Variants in DLGAP4 observed in about 807,000 individuals in gnomAD.
DLGAP4 encodes the protein DLG associated protein 4.
Under a neutral mutation model 86.9 loss-of-function variants are expected in DLGAP4, and 18 were observed. The ratio of observed to expected loss-of-function variants is 0.21; its 90% CI spans 0.14 to 0.31. The LOEUF (loss-of-function observed/expected upper bound fraction) is 0.31. Among genes scored for constraint, DLGAP4 ranks in the 10% least tolerant of loss-of-function variants. The pLI is 1.00. For synonymous variants in DLGAP4, 548 were observed against 574.3 expected (o/e 0.95, Z 0.65); for missense variants, 1,085 against 1,362.6 (o/e 0.80, Z 3.21).
intron 9 of DLGAP4, 69 bp downstream of exon 9, chr20:36,499,745 C>T: frequency 1.4e-6 from 2 of 1,397,830 alleles, no homozygotes; most frequent in Non-Finnish European, 2.0e-6. Flanking sequence ...ACCTCTCCTG[C>T]TCTCCCTAAC....
chr20:36,422,193 G>T (rs1030438908), intron 2 of DLGAP4, among the ~76,000 whole-genome samples: 2 of 152,128 alleles, frequency 1.3e-5, no homozygotes, highest in African/African-American at 4.8e-5. Context: ...TCCCTTCAGA[G>T]GTCTAAGGCA....
chr20:36,387,968 T>C (rs1310405563), intron 2 of DLGAP4, among the ~76,000 whole-genome samples: 1 of 152,216 alleles, frequency 6.6e-6, no homozygotes, highest in Non-Finnish European at 1.5e-5. Flanking sequence ...GGTGGGACTG[T>C]CCTGCTCATT....
intron 2 of DLGAP4, among the ~76,000 whole-genome samples, chr20:36,400,414 T>C (rs1025280282): frequency 6.6e-6 from 1 of 152,252 alleles, no homozygotes; most frequent in Non-Finnish European, 1.5e-5. Context: ...CCCAGCATTG[T>C]GCTTTACAAT....
intron 1 of DLGAP4, among the ~76,000 whole-genome samples, chr20:36,310,359 G>A (rs1337458550): frequency 6.6e-6 from 1 of 152,310 alleles, no homozygotes; most frequent in Non-Finnish European, 1.5e-5. Flanking sequence ...TGGGCCACAG[G>A]GAGGCTGGTG....
intron 7 of DLGAP4, among the ~76,000 whole-genome samples, chr20:36,457,484 G>A (rs2033908259): frequency 6.7e-6 from 1 of 150,050 alleles, no homozygotes; most frequent in East Asian, 2.0e-4. Flanking sequence ...TGGTTCAAGC[G>A]ATTCTCCTGC....
chr20:36,394,585 C>T (rs991710055), intron 2 of DLGAP4, among the ~76,000 whole-genome samples: 7 of 152,150 alleles, frequency 4.6e-5, no homozygotes, highest in Admixed American at 3.9e-4. Context: ...TGCACGTGTG[C>T]GCACGAGCCT....
intron 7 of DLGAP4, among the ~76,000 whole-genome samples, chr20:36,480,575 G>A (rs751986245): frequency 1.3e-5 from 2 of 152,066 alleles, no homozygotes; most frequent in Non-Finnish European, 2.9e-5. Context: ...GTCAGGAGCA[G>A]TGGTACATGT....
intron 7 of DLGAP4, chr20:36,461,751 G>GTCCGGGCCCCC: frequency 1.6e-6 from 1 of 618,850 alleles, no homozygotes; most frequent in Non-Finnish European, 1.9e-6. Flanking sequence ...CCGTCCGTCC[G>GTCCGGGCCCCC]CCCGCCCGCC....
intron 7 of DLGAP4, chr20:36,461,904 G>C: frequency 1.0e-6 from 1 of 984,568 alleles, no homozygotes; most frequent in Non-Finnish European, 1.2e-6. Context: ...TCCCCATCTC[G>C]GGTCCCCTTC....
chr20:36,390,211 G>A (rs1035523749), intron 2 of DLGAP4, among the ~76,000 whole-genome samples: 2 of 152,202 alleles, frequency 1.3e-5, no homozygotes, highest in African/African-American at 2.4e-5. Context: ...GACAATGGAG[G>A]TCCTGAGTTC....
chr20:36,443,811 G>A (rs767843829), intron 6 of DLGAP4, among the ~76,000 whole-genome samples: 12 of 152,088 alleles, frequency 7.9e-5, no homozygotes, highest in Non-Finnish European at 1.3e-4. Context: ...ACCTGTATTC[G>A]TGGGTAGAGG....
At chr20:36,389,518 C>T (rs957105663) in intron 2 of DLGAP4, among the ~76,000 whole-genome samples, 15 of 152,126 alleles carry the variant, frequency 9.9e-5, no homozygotes, top group Non-Finnish European at 1.6e-4. Context: ...ACCTGTTGCA[C>T]GCTAAGCACT....
Position 36,431,850 on chromosome 20 carries a change from C to T in DLGAP4, c.133C>T (p.Arg45Cys), listed in dbSNP as rs368086714. Residue 45 changes from arginine to cysteine, a missense_variant, in exon 3 of 13, where the codon CGC becomes TGC. Physicochemically the swap from Arg to Cys is radical, Grantham distance 180. Coordinates refer to ENST00000339266, the MANE Select transcript of DLGAP4 (RefSeq NM_001365621.2). This position sits in a 1 kb window ranked among gnomAD's most constrained non-coding sequence, Gnocchi z 5.1. ...CACGGAGGCCTTCGCCCGCGAGGCC[C>T]GCTTCCCCGGGCAGAACACCCTGCC... ...SPTEAFAREA[R>C]FPGQNTLPGD... 2.5e-5 allele frequency: 41 copies of T among 1,613,894 alleles called. No individual in the cohort carries two copies. The highest frequency in any genetic ancestry group is 1.3e-4 in the East Asian group (6 of 44,886).
intron 1 of DLGAP4, among the ~76,000 whole-genome samples, chr20:36,324,912 T>C (rs1215007985): frequency 6.6e-6 from 1 of 152,184 alleles, no homozygotes; most frequent in African/African-American, 2.4e-5. Flanking sequence ...CAGCTTTTGG[T>C]GTCACTGATT....
At chr20:36,353,426 A>C (rs972739784) in intron 1 of DLGAP4, among the ~76,000 whole-genome samples, 2 of 152,214 alleles carry the variant, frequency 1.3e-5, no homozygotes. Flanking sequence ...CGTCTTCTCC[A>C]TGGCCAGGCA....
intron 1 of DLGAP4, among the ~76,000 whole-genome samples, chr20:36,346,503 TTGTG>T (rs2029944014): frequency 6.6e-6 from 1 of 152,090 alleles, no homozygotes; most frequent in Non-Finnish European, 1.5e-5. Flanking sequence ...GCAGATGGCA[TTGTG>T]GATGGGGGAA....
chr20:36,365,956 T>C (rs2030672426), intron 1 of DLGAP4, among the ~76,000 whole-genome samples: 1 of 152,092 alleles, frequency 6.6e-6, no homozygotes, highest in South Asian at 2.1e-4. Context: ...TGTGTCTCAG[T>C]TTCTTGACCT....
chr20:36,512,151 T>C (rs933519433), intron 10 of DLGAP4, among the ~76,000 whole-genome samples: 10 of 149,446 alleles, frequency 6.7e-5, no homozygotes, highest in African/African-American at 4.9e-5. Flanking sequence ...CCCGGATTCA[T>C]GCCATTCTCC....
At chr20:36,310,181 AAAG>A (rs2065040173) in intron 1 of DLGAP4, among the ~76,000 whole-genome samples, 4 of 2,236 alleles carry the variant, frequency 1.8e-3, no homozygotes, top group East Asian at 0.026. Context: ...AAAAAAAAAA[AAAG>A]AAAGAAAGAA....
Sources: gnomAD v4.1 joint callset for allele counts (sites outside exome capture counted in the v4.1 genomes callset) on GRCh38, gnomAD v4.1.1 for gene constraint, Gnocchi (gnomAD v3.1) non-coding constraint, MANE v1.5 for transcripts, NCBI Gene and HGNC (gene_info 2026-07-23, HGNC 2026-07-21) for gene names.